Variants in KLRG1 observed in about 807,000 individuals in gnomAD.
The protein encoded by KLRG1 is killer cell lectin like receptor G1, also known as killer cell lectin-like receptor subfamily G member 1.
In KLRG1, 16 loss-of-function variants were observed where a neutral mutation model predicts 21.8. That is an observed-to-expected ratio of 0.73 (90% CI 0.50 to 1.11). KLRG1 has a LOEUF of 1.11. Among genes scored for constraint, KLRG1 ranks in the 50% most tolerant of loss-of-function variants. The pLI is 0.00. For missense variants in KLRG1, 173 were observed against 218.3 expected (o/e 0.79, Z 1.31); for synonymous variants, 69 against 75.9 (o/e 0.91, Z 0.47).
the KLRG1 span, chr12:9,076,761 T>C: frequency 6.2e-7 from 1 of 1,613,928 alleles, no homozygotes; most frequent in Non-Finnish European, 8.5e-7. Flanking sequence ...CTCACCTTTC[T>C]TCACAGCTTC....
At chr12:9,102,820 T>G in the KLRG1 span, among the ~76,000 whole-genome samples, 46 of 152,346 alleles carry the variant, frequency 3.0e-4, no homozygotes, top group East Asian at 8.5e-3. Context: ...TTCAAGACAC[T>G]TTTTGAAATG....
At chr12:9,195,735 T>A in the KLRG1 span, among the ~76,000 whole-genome samples, 1 of 150,488 alleles carries the variant, frequency 6.6e-6, no homozygotes, top group Non-Finnish European at 1.5e-5. Flanking sequence ...ATTATAAGCA[T>A]GAGCCACTAT....
the KLRG1 span, among the ~76,000 whole-genome samples, chr12:9,168,099 A>C: frequency 6.6e-6 from 1 of 152,124 alleles, no homozygotes; most frequent in Non-Finnish European, 1.5e-5. Context: ...AAACAATCAA[A>C]GTTCTTAATT....
At chr12:9,113,022 C>T in the KLRG1 span, among the ~76,000 whole-genome samples, 1 of 151,900 alleles carries the variant, frequency 6.6e-6, no homozygotes, top group East Asian at 1.9e-4. Context: ...CCTGTCAGTC[C>T]ACCACGGGTG....
chr12:9,000,696 A>G (rs1398904190), intron 3 of KLRG1, among the ~76,000 whole-genome samples: 1 of 152,196 alleles, frequency 6.6e-6, no homozygotes, highest in South Asian at 2.1e-4. Context: ...TGTAGCATGT[A>G]TCAAAGTTAT....
chr12:9,196,935 CCT>C, the KLRG1 span: 4 of 1,144,006 alleles, frequency 3.5e-6, no homozygotes, highest in East Asian at 9.4e-5. Flanking sequence ...GTCCTGATGC[CCT>C]CTTTCTAGTT....
chr12:8,960,387 G>T (rs781242080), intron 1 of KLRG1, among the ~76,000 whole-genome samples: 2 of 152,306 alleles, frequency 1.3e-5, no homozygotes, highest in South Asian at 4.1e-4. Context: ...GTTGAGTTCT[G>T]AGCTGAACCA....
chr12:9,141,732 A>C, the KLRG1 span, among the ~76,000 whole-genome samples: 1 of 152,212 alleles, frequency 6.6e-6, no homozygotes, highest in African/African-American at 2.4e-5. Flanking sequence ...CTGTTTTTTC[A>C]ATAGTCTTAA....
At chr12:8,964,790 A>G (rs1367236382) in intron 1 of KLRG1, among the ~76,000 whole-genome samples, 13 of 150,592 alleles carry the variant, frequency 8.6e-5, no homozygotes, top group Middle Eastern at 3.4e-3. Context: ...CCATTATGTA[A>G]TGGCCTTCTT....
At chr12:8,963,484 T>C (rs1445004280) in intron 1 of KLRG1, among the ~76,000 whole-genome samples, 1 of 152,214 alleles carries the variant, frequency 6.6e-6, no homozygotes, top group Non-Finnish European at 1.5e-5. Context: ...AGGATATTGG[T>C]CTAAGATTCT....
intron 3 of KLRG1, among the ~76,000 whole-genome samples, chr12:8,998,188 G>T (rs983995354): frequency 3.9e-5 from 6 of 152,000 alleles, no homozygotes; most frequent in Admixed American, 6.6e-5. Context: ...AATTAGCTAG[G>T]CGTGCTGTTA....
the KLRG1 span, among the ~76,000 whole-genome samples, chr12:9,040,219 A>G: frequency 6.6e-6 from 1 of 152,358 alleles, no homozygotes; most frequent in African/African-American, 2.4e-5. Flanking sequence ...CTCATTACAG[A>G]ATCACACAGT....
the KLRG1 span, chr12:9,152,818 T>A: frequency 6.2e-7 from 1 of 1,614,022 alleles, no homozygotes; most frequent in African/African-American, 1.3e-5. Context: ...GGTTAGAACG[T>A]CTTACCTGAT....
At chr12:9,189,975 T>C in the KLRG1 span, among the ~76,000 whole-genome samples, 1 of 152,030 alleles carries the variant, frequency 6.6e-6, no homozygotes, top group Non-Finnish European at 1.5e-5. Context: ...ATGGCTATTA[T>C]TAAGAGTCAA....
At chr12:9,097,037 C>G in the KLRG1 span, among the ~76,000 whole-genome samples, 1 of 152,170 alleles carries the variant, frequency 6.6e-6, no homozygotes, top group African/African-American at 2.4e-5. Flanking sequence ...TACTAAATCC[C>G]TGAAAGCTTC....
At chr12:9,051,919 A>T in the KLRG1 span, among the ~76,000 whole-genome samples, 1 of 152,242 alleles carries the variant, frequency 6.6e-6, no homozygotes, top group Non-Finnish European at 1.5e-5. Flanking sequence ...GTCAGAGACC[A>T]ATCAACAGGA....
intron 1 of KLRG1, among the ~76,000 whole-genome samples, chr12:8,956,546 A>G (rs936509488): frequency 6.6e-6 from 1 of 152,072 alleles, no homozygotes; most frequent in Non-Finnish European, 1.5e-5. Context: ...CCCAGGTTCA[A>G]GTGATTCTCC....
At chr12:9,155,818 T>C in the KLRG1 span, 1 of 154,256 alleles carries the variant, frequency 6.5e-6, no homozygotes, top group East Asian at 1.9e-4. Context: ...TGGTGTTGTA[T>C]GGATGACAAG....
the KLRG1 span, among the ~76,000 whole-genome samples, chr12:9,033,436 C>G: frequency 6.6e-6 from 1 of 150,432 alleles, no homozygotes; most frequent in Non-Finnish European, 1.5e-5. Flanking sequence ...CAGAATGAGA[C>G]TCTTTAAAAA....
Sources: allele counts gnomAD v4.1 joint callset (sites outside exome capture counted in the v4.1 genomes callset), GRCh38; gene constraint gnomAD v4.1.1; transcripts MANE v1.5; gene names NCBI Gene and HGNC (gene_info 2026-07-23, HGNC 2026-07-21).